The following PES1 variants were observed in gnomAD, a reference collection of about 807,000 sequenced individuals.
PES1 encodes the protein pescadillo ribosomal biogenesis factor 1, also known as pescadillo homolog.
Under a neutral mutation model 77.1 loss-of-function variants are expected in PES1, and 31 were observed. The observed-to-expected ratio is 0.40, with a 90% CI of 0.30 to 0.54. The LOEUF is 0.54. PES1 is among the 20% of genes least tolerant of loss of function. PES1 has a pLI of 0.45. For synonymous variants in PES1, 282 were observed against 303.0 expected, an observed-to-expected ratio of 0.93 and a Z score of 0.72; for missense variants, 658 against 771.7, an observed-to-expected ratio of 0.85 and a Z score of 1.75.
chr22:30,590,398 T>TA (rs2087159029), intron 1 of PES1, among the ~76,000 whole-genome samples: 1 of 152,226 alleles, frequency 6.6e-6, no homozygotes, highest in Non-Finnish European at 1.5e-5. Flanking sequence ...ACAAACCTGT[T>TA]AGTCTCCCAC....
intron 2 of PES1, among the ~76,000 whole-genome samples, chr22:30,599,084 A>G (rs1050033858): frequency 1.3e-5 from 2 of 151,044 alleles, no homozygotes; most frequent in Non-Finnish European, 2.9e-5. Flanking sequence ...TTTTAGTTAG[A>G]GATGGGATTT....
At chr22:30,599,112 C>T (rs897315807) in intron 2 of PES1, among the ~76,000 whole-genome samples, 2 of 151,800 alleles carry the variant, frequency 1.3e-5, no homozygotes, top group Non-Finnish European at 2.9e-5. Context: ...GTTGGCCAGG[C>T]TGGGCTCAAA....
At chr22:30,599,557 G>T (rs1289924405) in intron 2 of PES1, among the ~76,000 whole-genome samples, 1 of 152,196 alleles carries the variant, frequency 6.6e-6, no homozygotes, top group African/African-American at 2.4e-5. Context: ...CAAATTTAAT[G>T]ATTACCTTTG....
chr22:30,579,453 TC>T, intron 12 of PES1, 150 bp from the exon 13 acceptor site: 1 of 1,287,142 alleles, frequency 7.8e-7, no homozygotes, highest in Non-Finnish European at 1.1e-6. Flanking sequence ...CTCTTGCACC[TC>T]CCCACAGCCC....
At chr22:30,577,883 G>A (rs1327376746) in intron 14 of PES1, among the ~76,000 whole-genome samples, 2 of 152,250 alleles carry the variant, frequency 1.3e-5, no homozygotes, top group East Asian at 1.9e-4. Flanking sequence ...GCAGGAACAT[G>A]CTCAGGGATG....
upstream of PES1, among the ~76,000 whole-genome samples, chr22:30,593,342 C>G (rs11913206): frequency 0.17 from 25,523 of 151,954 alleles, 2,252 homozygotes; most frequent in African/African-American, 0.19. Flanking sequence ...CAAAAATTAG[C>G]CGGGTGTGGT....
At chr22:30,585,180 C>T (rs1304026184) in intron 4 of PES1, 2 of 450,178 alleles carry the variant, frequency 4.4e-6, no homozygotes, top group Admixed American at 4.8e-5. Context: ...TATGACTGGG[C>T]CTGGCCACCG....
At chr22:30,582,723 T>A (rs187374933) in intron 6 of PES1, among the ~76,000 whole-genome samples, 4 of 152,152 alleles carry the variant, frequency 2.6e-5, no homozygotes, top group Admixed American at 6.5e-5. Context: ...TGAGAGCACA[T>A]AGGGCCAAGA....
At chr22:30,583,226 G>C (rs769224491) in intron 6 of PES1, among the ~76,000 whole-genome samples, 4 of 152,204 alleles carry the variant, frequency 2.6e-5, no homozygotes, top group East Asian at 1.9e-4. Flanking sequence ...CGTGCCCCAG[G>C]GGGAGAGGGA....
chr22:30,605,562 G>A (rs750026230), intron 1 of PES1: 25 of 893,450 alleles, frequency 2.8e-5, no homozygotes, highest in Non-Finnish European at 3.4e-5. Context: ...ACAGGCAGAG[G>A]GTTGGGGGAG....
chr22:30,591,425 T>A (rs1294027796), intron 1 of PES1, among the ~76,000 whole-genome samples: 2 of 152,186 alleles, frequency 1.3e-5, no homozygotes, highest in Admixed American at 6.5e-5. Flanking sequence ...GCCGAAATGT[T>A]ATGCCTCGAA....
At chr22:30,606,237 T>C (rs2087439152) in intron 1 of PES1, among the ~76,000 whole-genome samples, 1 of 151,936 alleles carries the variant, frequency 6.6e-6, no homozygotes, top group African/African-American at 2.4e-5. Flanking sequence ...CTTTTTATTT[T>C]ATTTTATTTT....
upstream of PES1, chr22:30,592,426 T>G (rs16988805): frequency 2.2e-4 from 221 of 985,826 alleles, no homozygotes; most frequent in African/African-American, 3.3e-3. Flanking sequence ...AAGACATTTT[T>G]CCTCGCGGAG....
chr22:30,589,328 C>T (rs1010871995), intron 1 of PES1, 58 bp from the exon 2 acceptor site: 8 of 1,379,948 alleles, frequency 5.8e-6, no homozygotes, highest in Middle Eastern at 2.0e-4. Context: ...TGACATCAAA[C>T]TCTGGGCATG....
At chr22:30,584,990 C>T (rs2087054833) in intron 4 of PES1, among the ~76,000 whole-genome samples, 1 of 152,184 alleles carries the variant, frequency 6.6e-6, no homozygotes, top group African/African-American at 2.4e-5. Context: ...AGCCTTGACC[C>T]ACGTGCGGAT....
chr22:30,596,963 C>G (rs540650387), intron 2 of PES1, among the ~76,000 whole-genome samples: 2 of 151,196 alleles, frequency 1.3e-5, no homozygotes, highest in Admixed American at 6.6e-5. Context: ...AGAAGCCAGC[C>G]GGCCGGCCCC....
At position 30,578,865 on chromosome 22, in the gene PES1, A is replaced by G. The variant is rs1265127385; in HGVS notation, c.1655T>C (p.Met552Thr). The G allele has an allele frequency of 1.2e-6, 2 of 1,612,586 alleles. No homozygotes were observed. Among genetic ancestry groups the G allele is most frequent in the South Asian group, 1.1e-5 (1 of 91,006 alleles). ...KREKYLYQKI[M>T]FGKRRKIREA... ...TCGGATTTTTCGCCTCTTGCCAAAC[A>G]TGATCTTCTGGTACAGGTACTTCTC... The change falls in exon 14 of 15, where the codon ATG (methionine) becomes ACG (threonine). Residue 552 changes from methionine (M) to threonine (T), a missense_variant. Transcript: ENST00000354694.
At chr22:30,585,696 TC>T (rs1384451279) in intron 4 of PES1, among the ~76,000 whole-genome samples, 3 of 108,966 alleles carry the variant, frequency 2.8e-5, no homozygotes, top group Admixed American at 1.3e-4. Flanking sequence ...AAGAATGGGT[TC>T]TGGTCAGGGG....
chr22:30,587,141 G>C, intron 4 of PES1, 145 bp downstream of exon 4: 1 of 644,828 alleles, frequency 1.6e-6, no homozygotes, highest in African/African-American at 1.8e-5. Flanking sequence ...TAATTTGCTA[G>C]CTTGGTTTTT....
Sources: allele counts gnomAD v4.1 joint callset (sites outside exome capture counted in the v4.1 genomes callset), GRCh38; gene constraint gnomAD v4.1.1; transcripts MANE v1.5; gene names NCBI Gene and HGNC (gene_info 2026-07-23, HGNC 2026-07-21).